RABGEF1: variants seen among roughly 807,000 people sequenced by gnomAD.
RABGEF1 encodes the protein rab5 GDP/GTP exchange factor.
Under a neutral mutation model 57.3 loss-of-function variants are expected in RABGEF1, and 26 were observed. The ratio of observed to expected loss-of-function variants is 0.45; its 90% CI spans 0.33 to 0.63. RABGEF1 has a LOEUF of 0.63. Ranked by LOEUF, RABGEF1 falls within the 20% of genes least tolerant of loss-of-function variation. The probability of loss-of-function intolerance (pLI) is 0.02; values close to 1 mark genes in which losing one functional copy is unlikely to be tolerated. For synonymous variants in RABGEF1, 185 were observed against 210.7 expected, an observed-to-expected ratio of 0.88 and a Z score of 1.06; for missense variants, 464 against 607.6, an observed-to-expected ratio of 0.76 and a Z score of 2.48.
At chr7:66,786,223 T>C (rs2129146881) in intron 4 of RABGEF1, among the ~76,000 whole-genome samples, 1 of 152,362 alleles carries the variant, frequency 6.6e-6, no homozygotes. Flanking sequence ...ATTAAATCTT[T>C]TCCGAACTGC....
chr7:66,790,437 TCATCA>T (rs2129158916), intron 4 of RABGEF1, among the ~76,000 whole-genome samples: 1 of 152,274 alleles, frequency 6.6e-6, no homozygotes, highest in South Asian at 2.1e-4. Flanking sequence ...GAAAACCCAG[TCATCA>T]CACTTATGAA....
chr7:66,669,587 CA>C, the RABGEF1 span, among the ~76,000 whole-genome samples: 1 of 152,170 alleles, frequency 6.6e-6, no homozygotes, highest in African/African-American at 2.4e-5. Flanking sequence ...ATAATAAAAA[CA>C]AATTTCACAC....
At chr7:66,720,474 A>G (rs1795919055) in intron 2 of RABGEF1, among the ~76,000 whole-genome samples, 1 of 151,690 alleles carries the variant, frequency 6.6e-6, no homozygotes, top group South Asian at 2.1e-4. Flanking sequence ...CTAGGATTAC[A>G]GGCACGAGCT....
chr7:66,773,473 C>A (rs1264077724), intron 2 of RABGEF1, among the ~76,000 whole-genome samples: 2 of 152,178 alleles, frequency 1.3e-5, no homozygotes, highest in African/African-American at 4.8e-5. Flanking sequence ...TTAATTGTGA[C>A]CCTGCTAAAT....
At chr7:66,705,443 AAGAGAGAGAGAGAGAGAGAGAGAGAG>A (rs57856916) in intron 1 of RABGEF1, among the ~76,000 whole-genome samples, 1 of 66,348 alleles carries the variant, frequency 1.5e-5, no homozygotes, top group African/African-American at 7.6e-5. Flanking sequence ...TCTCGAAAGA[AAGAGAGAGAGAGAGAGAGAGAGAGAG>A]AGAGAGAGAG....
chr7:66,696,969 G>A (rs1470144679), intron 1 of RABGEF1, among the ~76,000 whole-genome samples: 1 of 152,186 alleles, frequency 6.6e-6, no homozygotes, highest in Admixed American at 6.5e-5. Flanking sequence ...AGATACATGG[G>A]AGTCTCCATG....
chr7:66,670,279 C>T, the RABGEF1 span, among the ~76,000 whole-genome samples: 15 of 152,158 alleles, frequency 9.9e-5, no homozygotes, highest in Admixed American at 3.3e-4. Context: ...CCCCACTGGT[C>T]CCTTCTCATA....
At chr7:66,755,849 A>G (rs1802582351) in intron 1 of RABGEF1, 2 of 472,648 alleles carry the variant, frequency 4.2e-6, no homozygotes, top group Non-Finnish European at 7.5e-6. Flanking sequence ...GCAGCAATCA[A>G]CTCTACATTG....
intron 4 of RABGEF1, 64 bp downstream of exon 4, chr7:66,783,905 T>C (rs781132235): frequency 1.5e-5 from 21 of 1,427,484 alleles, no homozygotes; most frequent in Admixed American, 4.7e-5. Flanking sequence ...TTAGAGATAA[T>C]ATAGTGCAAC....
intron 1 of RABGEF1, among the ~76,000 whole-genome samples, chr7:66,684,024 C>T (rs1464835097): frequency 6.6e-6 from 1 of 152,146 alleles, no homozygotes; most frequent in African/African-American, 2.4e-5. Flanking sequence ...TTACAGGCAT[C>T]GGCTCCCGAG....
intron 2 of RABGEF1, among the ~76,000 whole-genome samples, chr7:66,728,687 T>C (rs1172181877): frequency 1.5e-4 from 1 of 6,664 alleles, no homozygotes; most frequent in Non-Finnish European, 3.1e-4. Flanking sequence ...ACCTCCATCC[T>C]CATCATCCTC....
rs186778041 is a variant in RABGEF1, at chr7:66,723,759, T to C, written c.-815+11535T>C. Among the ~76,000 whole-genome samples, 14 of 138,322 alleles carry C rather than the reference T, an allele frequency of 1.0e-4. No individual in the cohort carries two copies. In the East Asian group the frequency reaches 3.4e-3, roughly 33 times the overall value. The allele number at this position is 138,322 out of a possible 152,430, so 90.7% of individuals were successfully genotyped here. A position where few individuals can be genotyped will look rare whatever the true frequency, so the allele number is the denominator to read the frequency against. ...CCACGCCTGGCCACTTTTGTATTTT[T>C]AGTAGTGACGGGGTTTCACCATGTT... On this transcript the variant is annotated intron_variant and NMD_transcript_variant, in intron 2 of 9. Coordinates refer to the RABGEF1 transcript ENST00000607882.
chr7:66,796,130 C>T (rs1283772918), intron 5 of RABGEF1, among the ~76,000 whole-genome samples: 1 of 152,020 alleles, frequency 6.6e-6, no homozygotes, highest in African/African-American at 2.4e-5. Context: ...GATCGAGACT[C>T]TGTCTTCAAA....
At chr7:66,747,782 A>C (rs529821104) in intron 1 of RABGEF1, among the ~76,000 whole-genome samples, 6 of 152,298 alleles carry the variant, frequency 3.9e-5, no homozygotes, top group African/African-American at 1.2e-4. Context: ...ATCGAAGAAA[A>C]TGTTTTCTTA....
intron 1 of RABGEF1, among the ~76,000 whole-genome samples, chr7:66,757,470 T>C (rs1320201857): frequency 1.3e-5 from 2 of 152,248 alleles, no homozygotes; most frequent in Non-Finnish European, 2.9e-5. Flanking sequence ...CCGCAATGAC[T>C]GAAATGATTT....
chr7:66,675,152 T>A, the RABGEF1 span, among the ~76,000 whole-genome samples: 145 of 152,260 alleles, frequency 9.5e-4, no homozygotes, highest in African/African-American at 3.3e-3. Flanking sequence ...TTTCTCCAAT[T>A]TTACAGACAG....
At chr7:66,683,354 TTAACATTTAATGATAAA>T (rs1790080014) in intron 1 of RABGEF1, among the ~76,000 whole-genome samples, 1 of 152,216 alleles carries the variant, frequency 6.6e-6, no homozygotes, top group Non-Finnish European at 1.5e-5. Flanking sequence ...GATTATATTG[TTAACATTTAATGATAAA>T]TAACATTTTG....
chr7:66,732,649 C>A (rs1197497079), intron 2 of RABGEF1, among the ~76,000 whole-genome samples: 1 of 152,142 alleles, frequency 6.6e-6, no homozygotes, highest in African/African-American at 2.4e-5. Context: ...AGTTCCACTC[C>A]ATCATGAAAT....
rs555068830 is a variant in RABGEF1 at position 66,682,587 on chromosome 7, C to T, written c.-873+329C>T. ...GCGGCTCCCCTCGGTCCGGCTCCCA[C>T]TTCCCCGTCCAGGATGCTGGCTCCG... On this transcript the variant is annotated intron_variant and NMD_transcript_variant, in intron 1 of 9. Coordinates refer to the RABGEF1 transcript ENST00000607882. Among the ~76,000 whole-genome samples the T allele has an allele frequency of 1.6e-4, 24 of 152,342 alleles. No individual in the cohort carries two copies. The East Asian group carries it at 4.4e-3, about 28-fold the overall frequency.
Sources: gnomAD v4.1 joint callset for allele counts (sites outside exome capture counted in the v4.1 genomes callset) on GRCh38, gnomAD v4.1.1 for gene constraint, MANE v1.5 for transcripts, NCBI Gene and HGNC (gene_info 2026-07-23, HGNC 2026-07-21) for gene names.